The following CSMD1 variants were observed in gnomAD, a reference collection of about 807,000 sequenced individuals.
CSMD1 encodes the protein CUB and sushi domain-containing protein 1.
Under a neutral mutation model 417.5 loss-of-function variants are expected in CSMD1, and 213 were observed. The observed-to-expected ratio is 0.51, with a 90% CI of 0.46 to 0.57. CSMD1 has a LOEUF of 0.57. CSMD1 is among the 20% of genes least tolerant of loss of function. The pLI, the probability that CSMD1 is intolerant of heterozygous loss-of-function variation, is 0.00. For missense variants in CSMD1, 6,923 were observed against 4,529.7 expected (o/e 1.53, Z -15.17); for synonymous variants, 2,862 against 1,736.8 (o/e 1.65, Z -16.11).
chr8:3,381,299 C>G (rs1386625574), intron 18 of CSMD1, among the ~76,000 whole-genome samples: 1 of 151,940 alleles, frequency 6.6e-6, no homozygotes, highest in Non-Finnish European at 1.5e-5. Flanking sequence ...CTTACACACA[C>G]CCTATGTTAA....
At chr8:4,420,463 C>T (rs1797185220) in intron 2 of CSMD1, among the ~76,000 whole-genome samples, 1 of 151,934 alleles carries the variant, frequency 6.6e-6, no homozygotes, top group Non-Finnish European at 1.5e-5. Flanking sequence ...GTTTGCTGCA[C>T]CTCTCAACCC....
chr8:4,624,970 G>C (rs1032590465), intron 2 of CSMD1, among the ~76,000 whole-genome samples: 3 of 152,120 alleles, frequency 2.0e-5, no homozygotes, highest in Non-Finnish European at 2.9e-5. Flanking sequence ...TCTTTGAATG[G>C]ATGAGTTTAT....
chr8:4,834,551 A>G (rs1196561904), intron 1 of CSMD1, among the ~76,000 whole-genome samples: 1 of 152,190 alleles, frequency 6.6e-6, no homozygotes, highest in Admixed American at 6.5e-5. Flanking sequence ...AAAACAACCA[A>G]TAGAAGGGAA....
chr8:3,199,658 G>A (rs1001508276), intron 33 of CSMD1, 56 bp downstream of exon 33: 9 of 1,195,388 alleles, frequency 7.5e-6, no homozygotes, highest in South Asian at 1.5e-5. Flanking sequence ...CTAGCCGTGG[G>A]TGCAGCATCA....
intron 4 of CSMD1, among the ~76,000 whole-genome samples, chr8:4,012,401 G>A (rs116887628): frequency 0.053 from 8,013 of 152,042 alleles, 308 homozygotes; most frequent in Middle Eastern, 0.12. Context: ...TCCAGTTTGC[G>A]TCGCGTGGAT....
intron 18 of CSMD1, chr8:3,373,770 T>G (rs1428211125): frequency 6.6e-6 from 1 of 152,176 alleles, no homozygotes; most frequent in African/African-American, 2.4e-5. Flanking sequence ...CTGTCCTTAA[T>G]GCTATAATTT....
At chr8:3,684,278 T>C (rs111778852) in intron 7 of CSMD1, among the ~76,000 whole-genome samples, 1 of 144,466 alleles carries the variant, frequency 6.9e-6, no homozygotes, top group Admixed American at 7.2e-5. Context: ...ATATGTTATA[T>C]ATTATATATA....
intron 9 of CSMD1, among the ~76,000 whole-genome samples, chr8:3,579,858 T>C (rs989973087): frequency 2.6e-5 from 4 of 152,156 alleles, no homozygotes; most frequent in African/African-American, 9.7e-5. Flanking sequence ...AATTTCAGCA[T>C]TTTGGAAGGC....
At position 2,965,964 on chromosome 8, in the gene CSMD1, AGG is replaced by A; in HGVS notation, c.9101-12_9101-11del. ...TCCCCACAACTTATAACTAATAAAC[AGG>A]GAACAGGAAAGAATCAGAGAAATTC... On this transcript the variant is annotated splice_polypyrimidine_tract_variant and intron_variant, in intron 58 of 69. Transcript: ENST00000635120. The A allele has an allele frequency of 6.3e-7, 1 of 1,591,764 alleles. No homozygotes were observed. Among genetic ancestry groups the A allele is most frequent in the Non-Finnish European group, 8.6e-7 (1 of 1,167,578 alleles).
intron 1 of CSMD1, among the ~76,000 whole-genome samples, chr8:4,774,960 TAAAC>T: frequency 6.6e-6 from 1 of 152,250 alleles, no homozygotes; most frequent in Non-Finnish European, 1.5e-5. Context: ...TTGAGCAAAT[TAAAC>T]CCCTTTTGTT....
At chr8:4,944,042 TG>T (rs1297699794) in intron 1 of CSMD1, among the ~76,000 whole-genome samples, 1 of 152,076 alleles carries the variant, frequency 6.6e-6, no homozygotes, top group African/African-American at 2.4e-5. Flanking sequence ...CTGGAAAGTC[TG>T]GGGAAAGAAG....
intron 7 of CSMD1, among the ~76,000 whole-genome samples, chr8:3,624,056 T>C (rs1796381964): frequency 6.6e-6 from 1 of 152,212 alleles, no homozygotes; most frequent in South Asian, 2.1e-4. Flanking sequence ...TTGAAGGGCT[T>C]TGTAAACTAA....
At chr8:3,657,432 C>T (rs1325641549) in intron 7 of CSMD1, among the ~76,000 whole-genome samples, 2 of 152,072 alleles carry the variant, frequency 1.3e-5, no homozygotes, top group East Asian at 1.9e-4. Context: ...AAGAAAATGA[C>T]TTGGAACCAA....
intron 26 of CSMD1, among the ~76,000 whole-genome samples, chr8:3,251,815 T>C (rs1468608992): frequency 6.6e-6 from 1 of 152,242 alleles, no homozygotes; most frequent in African/African-American, 2.4e-5. Flanking sequence ...TATTTTATTC[T>C]CTTTGAAGCA....
At chr8:3,079,295 A>G (rs1053386850) in intron 49 of CSMD1, among the ~76,000 whole-genome samples, 3 of 152,202 alleles carry the variant, frequency 2.0e-5, no homozygotes, top group Non-Finnish European at 4.4e-5. Context: ...AATGCCTACA[A>G]CCTATATAAA....
chr8:4,081,865 GAC>G (rs1390633236), intron 3 of CSMD1, among the ~76,000 whole-genome samples: 3 of 152,100 alleles, frequency 2.0e-5, no homozygotes, highest in Admixed American at 2.0e-4. Flanking sequence ...AGAAAAATAA[GAC>G]ATATCAAAAT....
At chr8:3,185,239 T>C (rs1302276201) in intron 36 of CSMD1, among the ~76,000 whole-genome samples, 2 of 152,226 alleles carry the variant, frequency 1.3e-5, no homozygotes, top group Admixed American at 1.3e-4. Flanking sequence ...AGAATTGCAT[T>C]GCAGTGGTAT....
At chr8:4,841,930 A>ACAAAAAACAAAAC (rs1554499185) in intron 1 of CSMD1, among the ~76,000 whole-genome samples, 2 of 122,426 alleles carry the variant, frequency 1.6e-5, no homozygotes, top group African/African-American at 6.7e-5. Flanking sequence ...AAAAAAAAAA[A>ACAAAAAACAAAAC]AAAAAAAAGT....
intron 3 of CSMD1, among the ~76,000 whole-genome samples, chr8:4,190,206 C>G (rs1170938401): frequency 6.8e-6 from 1 of 147,908 alleles, no homozygotes; most frequent in Non-Finnish European, 1.5e-5. Context: ...TTGCAGTGAG[C>G]TGAGATCGAG....
Sources: gnomAD v4.1 joint callset for allele counts (sites outside exome capture counted in the v4.1 genomes callset) on GRCh38, gnomAD v4.1.1 for gene constraint, MANE v1.5 for transcripts, NCBI Gene and HGNC (gene_info 2026-07-23, HGNC 2026-07-21) for gene names.